The following RBM26 variants were observed in gnomAD, a reference collection of about 807,000 sequenced individuals.
The protein encoded by RBM26 is RNA-binding protein 26.
RBM26 carries 30 observed loss-of-function variants against 123.6 expected under a neutral mutation model. The observed-to-expected ratio is 0.24, with a 90% CI of 0.18 to 0.33. The LOEUF (loss-of-function observed/expected upper bound fraction) is 0.33. RBM26 is among the 10% of genes least tolerant of loss of function. RBM26 has a pLI of 1.00. For synonymous variants in RBM26, 400 were observed against 404.4 expected, an observed-to-expected ratio of 0.99 and a Z score of 0.13; for missense variants, 947 against 1,203.6, an observed-to-expected ratio of 0.79 and a Z score of 3.15.
At chr13:79,369,928 C>G (rs923354520) in intron 5 of RBM26, among the ~76,000 whole-genome samples, 1 of 152,134 alleles carries the variant, frequency 6.6e-6, no homozygotes, top group Non-Finnish European at 1.5e-5. Flanking sequence ...CCTCATGCCC[C>G]TTTGTAATCT....
downstream of RBM26, among the ~76,000 whole-genome samples, chr13:79,317,302 A>G (rs956980872): frequency 1.3e-5 from 2 of 151,744 alleles, no homozygotes; most frequent in African/African-American, 2.4e-5. Flanking sequence ...AGAAAACAAC[A>G]ACGATAACAG....
Position 79,342,844 on chromosome 13 carries a change from T to TAAA in RBM26, c.2260-16_2260-14dup, listed in dbSNP as rs746681412. ...TTGAAATTAACATCTGCCAAATTTT[T>TAAA]AAAAAGAGAAAAATAAAGCTAATTA... On this transcript the variant is annotated splice_polypyrimidine_tract_variant and intron_variant, in intron 16 of 21. Coordinates refer to ENST00000438737, the MANE Select transcript of RBM26 (RefSeq NM_001366735.2). 6.5e-7 allele frequency: 1 copy of TAAA among 1,528,608 alleles called. No individual in the cohort carries two copies. Among genetic ancestry groups the TAAA allele is most frequent in the Non-Finnish European group, 8.9e-7 (1 of 1,121,232 alleles). 94.7% of individuals were successfully genotyped at this position (1,528,608 alleles called of 1,614,324 possible).
chr13:79,316,577 A>C (rs1179637857), downstream of RBM26, among the ~76,000 whole-genome samples: 3 of 151,800 alleles, frequency 2.0e-5, no homozygotes, highest in African/African-American at 7.2e-5. Context: ...CATTTAATCA[A>C]ATCACAATAA....
At position 79,355,244 on chromosome 13, in the gene RBM26, T is replaced by C. The variant is rs368523077; in HGVS notation, c.1830A>G (p.Gln610=). 5.0e-6 allele frequency: 8 copies of C among 1,613,836 alleles called. No individual in the cohort carries two copies. Among genetic ancestry groups the C allele is most frequent in the Non-Finnish European group, 5.9e-6 (7 of 1,179,870 alleles). Residue 610 remains glutamine, a synonymous_variant, in exon 12 of 22, where the codon CAA becomes CAG. Coordinates refer to ENST00000438737, the MANE Select transcript of RBM26 (RefSeq NM_001366735.2). ...CCTTTGGAGAAGTAGTTTGTAACTG[T>C]TGGGTGCTTCCTTCTCTGTGCCAAT... is the stretch of plus-strand genomic sequence containing the variant. ...KVYWHREGST[Q]QLQTTSPKVM... is the part of the protein sequence containing the mutation.
chr13:79,326,899 G>C (rs2068503917), intron 20 of RBM26, among the ~76,000 whole-genome samples: 1 of 151,794 alleles, frequency 6.6e-6, no homozygotes, highest in African/African-American at 2.4e-5. Context: ...ACAGTACTAT[G>C]GGATTTAAAC....
intron 4 of RBM26, among the ~76,000 whole-genome samples, chr13:79,371,377 T>C (rs2075859560): frequency 6.6e-6 from 1 of 152,194 alleles, no homozygotes; most frequent in Non-Finnish European, 1.5e-5. Flanking sequence ...TATTACACAT[T>C]GGCAACTATA....
exon 5 of RBM26, chr13:79,312,431 C>T (rs1409019): frequency 0.51 from 76,664 of 151,704 alleles, 19,763 homozygotes; most frequent in Middle Eastern, 0.6. Flanking sequence ...ACAAAAAAAT[C>T]GACACATCAA....
chr13:79,339,697 C>T (rs1401685105), intron 18 of RBM26, among the ~76,000 whole-genome samples: 1 of 152,082 alleles, frequency 6.6e-6, no homozygotes, highest in Non-Finnish European at 1.5e-5. Context: ...ACTTGAGTAA[C>T]ACTGAATACT....
chr13:79,395,044 C>T (rs571106168), intron 1 of RBM26, among the ~76,000 whole-genome samples: 1 of 152,324 alleles, frequency 6.6e-6, no homozygotes, highest in South Asian at 2.1e-4. Flanking sequence ...GGGCAACTGA[C>T]TCAGCCTCCA....
At chr13:79,377,331 C>T in intron 3 of RBM26, 48 bp downstream of exon 3, 4 of 1,530,906 alleles carry the variant, frequency 2.6e-6, no homozygotes, top group Non-Finnish European at 3.6e-6. Context: ...TTTGGTTATT[C>T]CTCTTATGTG....
intron 11 of RBM26, 128 bp from the exon 12 acceptor site, chr13:79,355,512 G>A (rs1476686944): frequency 4.6e-6 from 3 of 657,750 alleles, no homozygotes; most frequent in Non-Finnish European, 7.7e-6. Flanking sequence ...CTTGGTATCT[G>A]GATTAGTAGA....
chr13:79,365,559 GAA>G lies in RBM26; in HGVS notation c.1417+17_1417+18del. 6.3e-7 allele frequency: 1 copy of G among 1,592,846 alleles called. No homozygotes were observed. Among genetic ancestry groups the G allele is most frequent in the Non-Finnish European group, 8.6e-7 (1 of 1,164,876 alleles). The stretch of plus-strand genomic sequence containing the variant: ...TTTATATTATGAAAATGACAGGAAG[GAA>G]AGATTAATTATAGTACCTCTGGGTG... On this transcript the variant is annotated intron_variant, in intron 9 of 21. Coordinates refer to ENST00000438737, the MANE Select transcript of RBM26 (RefSeq NM_001366735.2).
chr13:79,341,710 A>AT (rs1317295560), intron 17 of RBM26, among the ~76,000 whole-genome samples: 1 of 151,790 alleles, frequency 6.6e-6, no homozygotes, highest in Non-Finnish European at 1.5e-5. Context: ...GGGGTCTTTT[A>AT]TGTATTCCTT....
chr13:79,400,170 A>G (rs114233806), intron 1 of RBM26, among the ~76,000 whole-genome samples: 317 of 152,346 alleles, frequency 2.1e-3, no homozygotes, highest in African/African-American at 7.2e-3. Context: ...AGTTTTTAAG[A>G]ACCACTGGCA....
intron 9 of RBM26, among the ~76,000 whole-genome samples, chr13:79,364,623 T>C (rs192357880): frequency 2.0e-5 from 3 of 152,314 alleles, no homozygotes; most frequent in Non-Finnish European, 2.9e-5. Context: ...TTTTCCAAAT[T>C]AATGTGAACT....
At chr13:79,371,820 T>A in intron 4 of RBM26, 22 bp downstream of exon 4, 2 of 1,472,896 alleles carry the variant, frequency 1.4e-6, no homozygotes, top group Non-Finnish European at 1.9e-6. Flanking sequence ...AAACACTGAG[T>A]ATGGTTCAAT....
intron 18 of RBM26, 38 bp downstream of exon 18, chr13:79,341,085 T>A (rs756893530): frequency 1.2e-5 from 15 of 1,227,982 alleles, no homozygotes; most frequent in Non-Finnish European, 1.8e-5. Flanking sequence ...CTACATTTGC[T>A]TCTTTTAAGC....
At chr13:79,360,769 T>C (rs1343439612) in intron 9 of RBM26, among the ~76,000 whole-genome samples, 1 of 152,148 alleles carries the variant, frequency 6.6e-6, no homozygotes, top group Non-Finnish European at 1.5e-5. Context: ...GTCTGTTACT[T>C]TCAACATTTT....
downstream of RBM26, chr13:79,315,023 C>T (rs1278326255): frequency 7.9e-7 from 1 of 1,258,966 alleles, no homozygotes; most frequent in African/African-American, 1.6e-5. Flanking sequence ...TTAAAAAAAA[C>T]TTTGAAAATA....
Sources: gnomAD v4.1 joint callset for allele counts (sites outside exome capture counted in the v4.1 genomes callset) on GRCh38, gnomAD v4.1.1 for gene constraint, MANE v1.5 for transcripts, NCBI Gene and HGNC (gene_info 2026-07-23, HGNC 2026-07-21) for gene names.